The following GOLM2 variants were observed in gnomAD, a reference collection of about 807,000 sequenced individuals.
The protein encoded by GOLM2 is protein GOLM2.
In GOLM2, 26 loss-of-function variants were observed where a neutral mutation model predicts 55.9. The observed-to-expected ratio is 0.47, with a 90% CI of 0.34 to 0.65. GOLM2 has a LOEUF of 0.65. Ranked by LOEUF, GOLM2 falls within the 30% of genes least tolerant of loss-of-function variation. The pLI, the probability that GOLM2 is intolerant of heterozygous loss-of-function variation, is 0.01. For synonymous variants in GOLM2, 165 were observed against 194.6 expected, an observed-to-expected ratio of 0.85 and a Z score of 1.27; for missense variants, 486 against 531.8, an observed-to-expected ratio of 0.91 and a Z score of 0.85.
chr15:44,291,800 T>G (rs1361711114), intron 1 of GOLM2, among the ~76,000 whole-genome samples: 1 of 152,226 alleles, frequency 6.6e-6, no homozygotes. Context: ...AAAGTAGTGT[T>G]AAACAGAATA....
At chr15:44,362,598 A>G (rs1193203727) in intron 6 of GOLM2, among the ~76,000 whole-genome samples, 18 of 152,302 alleles carry the variant, frequency 1.2e-4, no homozygotes, top group Middle Eastern at 3.4e-3. Context: ...AATCGATATC[A>G]TGAAAATGGC....
chr15:44,333,721 CTCT>C (rs1374482804), intron 4 of GOLM2, among the ~76,000 whole-genome samples: 1 of 151,700 alleles, frequency 6.6e-6, no homozygotes, highest in Non-Finnish European at 1.5e-5. Context: ...CTCTTCTATT[CTCT>C]TTTTTTTTTT....
intron 6 of GOLM2, among the ~76,000 whole-genome samples, chr15:44,364,599 G>C (rs1325545436): frequency 6.6e-6 from 1 of 151,976 alleles, no homozygotes; most frequent in African/African-American, 2.4e-5. Context: ...GAATGCTGAG[G>C]TGGTAGGATT....
At chr15:44,366,299 A>AAAAAAAAAAAAC (rs1168297004) in intron 6 of GOLM2, among the ~76,000 whole-genome samples, 1 of 150,064 alleles carries the variant, frequency 6.7e-6, no homozygotes, top group African/African-American at 2.4e-5. Context: ...TCCGTCTCAA[A>AAAAAAAAAAAAC]AAAAAAAAAA....
intron 9 of GOLM2, among the ~76,000 whole-genome samples, chr15:44,408,976 A>C (rs978313090): frequency 6.6e-6 from 1 of 150,550 alleles, no homozygotes; most frequent in African/African-American, 2.5e-5. Context: ...ACAAACAAGC[A>C]AACAAACAAA....
chr15:44,300,232 G>A (rs1440230011), intron 1 of GOLM2, among the ~76,000 whole-genome samples: 1 of 149,780 alleles, frequency 6.7e-6, no homozygotes, highest in Non-Finnish European at 1.5e-5. Context: ...GAGAGGGAGA[G>A]GGAAGAAAGA....
chr15:44,353,557 A>C (rs1231611075), intron 6 of GOLM2, among the ~76,000 whole-genome samples: 5 of 152,220 alleles, frequency 3.3e-5, no homozygotes, highest in Non-Finnish European at 5.9e-5. Flanking sequence ...ATGGATAAGG[A>C]AAATGTGGTA....
intron 8 of GOLM2, among the ~76,000 whole-genome samples, chr15:44,384,376 G>T (rs559479641): frequency 3.7e-4 from 56 of 152,230 alleles, no homozygotes; most frequent in Middle Eastern, 6.8e-3. Flanking sequence ...ACTTTGGAAG[G>T]CTGAGGTGGG....
chr15:44,303,932 G>T (rs192925572), intron 1 of GOLM2, among the ~76,000 whole-genome samples: 5 of 151,410 alleles, frequency 3.3e-5, no homozygotes, highest in East Asian at 3.9e-4. Flanking sequence ...ACAGGGTTTT[G>T]TTGGCCAAGT....
intron 6 of GOLM2, among the ~76,000 whole-genome samples, chr15:44,344,379 C>A (rs2141152621): frequency 6.6e-6 from 1 of 151,748 alleles, no homozygotes; most frequent in South Asian, 2.1e-4. Context: ...CTTCTCAGCT[C>A]CCAAAGCCAT....
At chr15:44,365,252 T>C (rs1486473405) in intron 6 of GOLM2, among the ~76,000 whole-genome samples, 1 of 152,062 alleles carries the variant, frequency 6.6e-6, no homozygotes, top group African/African-American at 2.4e-5. Flanking sequence ...GAAAGCTGGG[T>C]GTGGTAATTC....
intron 9 of GOLM2, chr15:44,407,015 C>T (rs2141218172): frequency 6.7e-6 from 1 of 148,840 alleles, no homozygotes; most frequent in East Asian, 1.9e-4. Context: ...CCTATTTTTC[C>T]TGTGTTTACA....
intron 8 of GOLM2, among the ~76,000 whole-genome samples, chr15:44,390,811 C>T (rs750604294): frequency 1.4e-4 from 21 of 152,210 alleles, no homozygotes; most frequent in Non-Finnish European, 2.5e-4. Flanking sequence ...TCAGGTGATC[C>T]GCCCGCCTCA....
At chr15:44,351,433 C>T (rs566371414) in intron 6 of GOLM2, among the ~76,000 whole-genome samples, 121 of 151,606 alleles carry the variant, frequency 8.0e-4, no homozygotes, top group Middle Eastern at 3.4e-3. Flanking sequence ...AAAAATTAGC[C>T]GGGCGTGGTG....
intron 6 of GOLM2, among the ~76,000 whole-genome samples, chr15:44,341,079 C>CTTTT (rs533432768): frequency 3.8e-5 from 5 of 132,240 alleles, no homozygotes; most frequent in South Asian, 2.4e-4. Context: ...ATACTTTTCT[C>CTTTT]TTTTTTTTTT....
At chr15:44,388,085 G>A (rs1289170102) in intron 8 of GOLM2, among the ~76,000 whole-genome samples, 1 of 150,860 alleles carries the variant, frequency 6.6e-6, no homozygotes, top group Admixed American at 6.6e-5. Flanking sequence ...TCTCCCACCT[G>A]GCCAATATGG....
chr15:44,376,012 G>A (rs767911173), intron 6 of GOLM2, among the ~76,000 whole-genome samples: 4 of 152,152 alleles, frequency 2.6e-5, no homozygotes, highest in South Asian at 2.1e-4. Context: ...CGAGGTGGGC[G>A]GATCACCTGA....
At chr15:44,391,373 C>T (rs190485868) in intron 8 of GOLM2, among the ~76,000 whole-genome samples, 75 of 151,874 alleles carry the variant, frequency 4.9e-4, no homozygotes, top group African/African-American at 1.7e-3. Context: ...AAAAATTAGC[C>T]GGTCGTGGTG....
chr15:44,389,255 C>T (rs1283519178), intron 8 of GOLM2, among the ~76,000 whole-genome samples: 2 of 152,102 alleles, frequency 1.3e-5, no homozygotes, highest in Admixed American at 1.3e-4. Context: ...TGTGGCCGGG[C>T]ACAGTGGCAC....
Sources: gnomAD v4.1 joint callset for allele counts (sites outside exome capture counted in the v4.1 genomes callset) on GRCh38, gnomAD v4.1.1 for gene constraint, MANE v1.5 for transcripts, NCBI Gene and HGNC (gene_info 2026-07-23, HGNC 2026-07-21) for gene names.